Variants in CDK14 observed in about 807,000 individuals in gnomAD.
CDK14 encodes cyclin-dependent kinase 14.
CDK14 carries 34 observed loss-of-function variants against 60.7 expected under a neutral mutation model. The ratio of observed to expected loss-of-function variants is 0.56; its 90% CI spans 0.43 to 0.75. The LOEUF (loss-of-function observed/expected upper bound fraction) is 0.75, where lower values mean the gene tolerates loss of function less well. Among genes scored for constraint, CDK14 ranks in the 30% least tolerant of loss-of-function variants. The pLI, the probability that CDK14 is intolerant of heterozygous loss-of-function variation, is 0.00. For missense variants in CDK14, 482 were observed against 564.1 expected (o/e 0.85, Z 1.47); for synonymous variants, 197 against 203.7 (o/e 0.97, Z 0.28).
chr7:91,004,231 T>G (rs1017638600), intron 10 of CDK14, among the ~76,000 whole-genome samples: 1 of 152,198 alleles, frequency 6.6e-6, no homozygotes, highest in South Asian at 2.1e-4. Flanking sequence ...GCTGGTTTTT[T>G]GAAATGATTA....
At chr7:91,002,267 G>C (rs1363400195) in intron 10 of CDK14, among the ~76,000 whole-genome samples, 1 of 152,140 alleles carries the variant, frequency 6.6e-6, no homozygotes, top group African/African-American at 2.4e-5. Flanking sequence ...AGAAGCACTA[G>C]ATCAAATGAT....
At chr7:90,777,669 A>G (rs1324770540) in intron 4 of CDK14, among the ~76,000 whole-genome samples, 3 of 152,140 alleles carry the variant, frequency 2.0e-5, no homozygotes, top group Non-Finnish European at 2.9e-5. Context: ...ATCCCTCTCC[A>G]TGCTTTGCCT....
chr7:91,091,488 T>C (rs1411552716), intron 12 of CDK14, among the ~76,000 whole-genome samples: 1 of 111,902 alleles, frequency 8.9e-6, no homozygotes, highest in Non-Finnish European at 1.7e-5. Context: ...TATGTATATG[T>C]AGTTTATATA....
intron 3 of CDK14, among the ~76,000 whole-genome samples, chr7:90,738,643 C>T (rs1217187128): frequency 1.3e-5 from 2 of 152,130 alleles, no homozygotes; most frequent in African/African-American, 4.8e-5. Flanking sequence ...TGTATTTCCA[C>T]GTCTCTAAAG....
rs80312382 is a variant in CDK14, at chr7:90,679,031, C to T, written c.124-47536C>T. On this transcript the variant is annotated intron_variant, in intron 2 of 14. Transcript: ENST00000380050. ...GTAGTGCAAACAAGTCTCACTTCAGCCTCAGTCTCCCAGGCTCAAGCAATC... is the reference window on the plus strand; with the variant it reads ...GTAGTGCAAACAAGTCTCACTTCAGTCTCAGTCTCCCAGGCTCAAGCAATC... 1.1e-3 allele frequency among the ~76,000 whole-genome samples: 165 copies of T among 152,240 alleles called. 1 individual carries two copies. The East Asian group carries it at 0.026, about 24-fold the overall frequency.
chr7:90,626,307 T>A (rs1032605714), intron 2 of CDK14, among the ~76,000 whole-genome samples: 7 of 152,182 alleles, frequency 4.6e-5, no homozygotes, highest in Admixed American at 4.6e-4. Context: ...GCGCTATTTT[T>A]ATTAAATACT....
chr7:90,752,832 G>C (rs757807069), intron 4 of CDK14, among the ~76,000 whole-genome samples: 6 of 152,086 alleles, frequency 3.9e-5, no homozygotes, highest in Non-Finnish European at 7.4e-5. Flanking sequence ...ATCCCATGGA[G>C]ATAGAAAAGA....
chr7:90,677,381 CCAAA>C (rs1801224267), intron 2 of CDK14, among the ~76,000 whole-genome samples: 1 of 152,208 alleles, frequency 6.6e-6, no homozygotes, highest in African/African-American at 2.4e-5. Flanking sequence ...TTCACTTTTT[CCAAA>C]CAAAGGTGCC....
intron 6 of CDK14, among the ~76,000 whole-genome samples, chr7:90,871,764 T>G (rs925155771): frequency 1.3e-5 from 2 of 152,206 alleles, no homozygotes; most frequent in African/African-American, 4.8e-5. Flanking sequence ...GTAAGGTCCC[T>G]TCATTTTGCA....
intron 8 of CDK14, among the ~76,000 whole-genome samples, chr7:90,922,464 ACT>A (rs913311541): frequency 7.9e-5 from 12 of 151,944 alleles, no homozygotes; most frequent in Non-Finnish European, 1.2e-4. Flanking sequence ...TGTCATTAAA[ACT>A]CTGAATGCAA....
At chr7:90,868,196 TTAAGGTAATAA>T in intron 6 of CDK14, among the ~76,000 whole-genome samples, 1 of 151,944 alleles carries the variant, frequency 6.6e-6, no homozygotes, top group South Asian at 2.1e-4. Flanking sequence ...ATCAAGACAG[TTAAGGTAATAA>T]ACATATCCAT....
chr7:91,205,584 G>T (rs1209160967), intron 14 of CDK14, among the ~76,000 whole-genome samples: 4 of 152,174 alleles, frequency 2.6e-5, no homozygotes, highest in African/African-American at 4.8e-5. Context: ...TCCTTTGGGG[G>T]TGATGAAGAT....
intron 2 of CDK14, among the ~76,000 whole-genome samples, chr7:90,675,936 G>A (rs1268018006): frequency 1.3e-5 from 2 of 152,198 alleles, no homozygotes; most frequent in African/African-American, 4.8e-5. Context: ...TAGAAGAGGA[G>A]GGGATGGCAA....
At chr7:91,033,351 T>C (rs1043015184) in intron 10 of CDK14, among the ~76,000 whole-genome samples, 3 of 152,308 alleles carry the variant, frequency 2.0e-5, no homozygotes, top group Middle Eastern at 3.4e-3. Flanking sequence ...CCTTTACAAA[T>C]GCTATTTTAA....
intron 6 of CDK14, among the ~76,000 whole-genome samples, chr7:90,867,598 A>G (rs1791230726): frequency 6.6e-6 from 1 of 152,146 alleles, no homozygotes; most frequent in Admixed American, 6.6e-5. Context: ...TCAAAATAGA[A>G]TTGTGATTAC....
chr7:90,637,678 C>G (rs1223958020), intron 2 of CDK14, among the ~76,000 whole-genome samples: 6 of 150,080 alleles, frequency 4.0e-5, no homozygotes, highest in Non-Finnish European at 8.9e-5. Context: ...GAGTTCAATT[C>G]CTGGGTATCC....
intron 14 of CDK14, among the ~76,000 whole-genome samples, chr7:91,169,467 TG>T (rs766984827): frequency 4.6e-5 from 7 of 152,310 alleles, no homozygotes; most frequent in Non-Finnish European, 7.4e-5. Flanking sequence ...AAAATTAAAT[TG>T]TTTTTTTAAA....
intron 6 of CDK14, among the ~76,000 whole-genome samples, chr7:90,865,350 C>A (rs997643473): frequency 2.0e-5 from 3 of 152,150 alleles, no homozygotes; most frequent in African/African-American, 4.8e-5. Context: ...TCAAAAATAA[C>A]TTCCCTGAAT....
intron 14 of CDK14, among the ~76,000 whole-genome samples, chr7:91,188,351 G>A (rs1444864285): frequency 6.6e-6 from 1 of 152,174 alleles, no homozygotes; most frequent in Non-Finnish European, 1.5e-5. Flanking sequence ...CAGTGGAATT[G>A]AGGAAAGAAG....
Sources: allele counts gnomAD v4.1 joint callset (sites outside exome capture counted in the v4.1 genomes callset), GRCh38; gene constraint gnomAD v4.1.1; transcripts MANE v1.5; gene names NCBI Gene and HGNC (gene_info 2026-07-23, HGNC 2026-07-21).